Variants in CFAP161 observed in about 807,000 individuals in gnomAD.
CFAP161 encodes cilia and flagella associated protein 161.
In CFAP161, 25 loss-of-function variants were observed where a neutral mutation model predicts 29.0. The ratio of observed to expected loss-of-function variants is 0.86; its 90% CI spans 0.63 to 1.20. The LOEUF (loss-of-function observed/expected upper bound fraction) is 1.20, where lower values mean the gene tolerates loss of function less well. Ranked by LOEUF, CFAP161 falls within the 50% of genes most tolerant of loss-of-function variation. The pLI is 0.00. For synonymous variants in CFAP161, 116 were observed against 137.4 expected, an observed-to-expected ratio of 0.84 and a Z score of 1.09; for missense variants, 367 against 371.9, an observed-to-expected ratio of 0.99 and a Z score of 0.11.
At chr15:81,112,727 G>C (rs1227906123) in intron 1 of CFAP161, among the ~76,000 whole-genome samples, 1 of 152,088 alleles carries the variant, frequency 6.6e-6, no homozygotes, top group Non-Finnish European at 1.5e-5. Flanking sequence ...AATAACTAGA[G>C]GACCACTGCT....
chr15:81,100,549 C>G (rs1406438976), intron 1 of CFAP161, among the ~76,000 whole-genome samples: 1 of 152,070 alleles, frequency 6.6e-6, no homozygotes, highest in African/African-American at 2.4e-5. Context: ...ATTTTTCTTC[C>G]ATTGCCTACA....
intron 1 of CFAP161, among the ~76,000 whole-genome samples, chr15:81,104,784 G>A (rs1567149722): frequency 6.6e-6 from 1 of 152,060 alleles, no homozygotes. Context: ...CTATACATGG[G>A]TATAAAATTT....
intron 1 of CFAP161, among the ~76,000 whole-genome samples, chr15:81,117,192 A>G (rs1322057968): frequency 1.3e-5 from 2 of 150,712 alleles, no homozygotes; most frequent in African/African-American, 2.4e-5. Context: ...CAATGTTTCC[A>G]ATTGTATCAT....
intron 1 of CFAP161, among the ~76,000 whole-genome samples, chr15:81,116,045 A>G (rs1039651494): frequency 6.6e-6 from 1 of 152,168 alleles, no homozygotes; most frequent in Non-Finnish European, 1.5e-5. Flanking sequence ...TGTTGTAAAC[A>G]TAAGTCTGAA....
intron 1 of CFAP161, among the ~76,000 whole-genome samples, chr15:81,110,100 A>G (rs1894422246): frequency 6.6e-6 from 1 of 151,986 alleles, no homozygotes; most frequent in Non-Finnish European, 1.5e-5. Context: ...TCCTGTTCAG[A>G]CATTCAGTAC....
intron 1 of CFAP161, among the ~76,000 whole-genome samples, chr15:81,109,766 T>C (rs995062504): frequency 3.3e-5 from 5 of 152,350 alleles, no homozygotes; most frequent in Non-Finnish European, 7.3e-5. Context: ...TTTCTACTGT[T>C]AATGTCAATT....
intron 1 of CFAP161, among the ~76,000 whole-genome samples, chr15:81,103,853 C>T (rs560678688): frequency 5.3e-5 from 8 of 152,108 alleles, no homozygotes; most frequent in South Asian, 2.1e-4. Context: ...ACACTATCTC[C>T]GGATAAATAG....
At chr15:81,119,315 C>T (rs1335230572) in intron 1 of CFAP161, among the ~76,000 whole-genome samples, 3 of 151,970 alleles carry the variant, frequency 2.0e-5, no homozygotes, top group African/African-American at 4.8e-5. Context: ...AGATAACAAC[C>T]AGAATCATGA....
chr15:81,112,672 A>G (rs916849598), intron 1 of CFAP161, among the ~76,000 whole-genome samples: 5 of 152,156 alleles, frequency 3.3e-5, no homozygotes, highest in African/African-American at 9.7e-5. Context: ...TTTTGGGGTT[A>G]TAGGTTTACA....
chr15:81,143,546 CAG>C (rs771525134), intron 4 of CFAP161, 114 bp from the exon 5 acceptor site: 49 of 1,176,918 alleles, frequency 4.2e-5, no homozygotes, highest in Non-Finnish European at 5.8e-5. Flanking sequence ...TCAGTAAGAA[CAG>C]AGTTTTTGAG....
At chr15:81,133,210 TATATATATATATATGTA>T (rs1248279121), upstream of CFAP161, among the ~76,000 whole-genome samples, 3,237 of 54,388 alleles carry the variant, frequency 0.06, 199 homozygotes, top group Non-Finnish European at 0.071. Context: ...TATATATATA[TATATATATATATATGTA>T]TTTTTTTTTA....
chr15:81,148,644 C>A lies in CFAP161; in HGVS notation c.*111C>A. Reference sequence around the variant, plus strand: ...AGCTATTTTTGAATCAGATGTGGGACTCTCTGGGCACTATATTAAAATAAA... The same window carrying A: ...AGCTATTTTTGAATCAGATGTGGGAATCTCTGGGCACTATATTAAAATAAA... On this transcript the variant is annotated 3_prime_UTR_variant, in exon 7 of 7. Transcript: ENST00000286732. 2.1e-6 allele frequency: 2 copies of A among 963,330 alleles called. No individual in the cohort carries two copies. The highest frequency in any genetic ancestry group is 2.1e-5 in the South Asian group (1 of 47,906). The allele number at this position is 963,330 out of a possible 1,614,324, so 59.7% of individuals were successfully genotyped here.
chr15:81,148,512 C>T lies in CFAP161; in HGVS notation c.885C>T (p.Ala295=). The change falls in exon 7 of 7, where the codon GCC becomes GCT. Residue 295 remains alanine (A), a synonymous_variant. Transcript: ENST00000286732. Reference sequence around the variant, plus strand: ...AGGACACTCGAGCCATGGAGCAGGCCATGGGCCTTGACACGCAGTAACACG... The same window carrying T: ...AGGACACTCGAGCCATGGAGCAGGCTATGGGCCTTGACACGCAGTAACACG... ...PTEDTRAMEQ[A]MGLDTQ The T allele has an allele frequency of 6.2e-7, 1 of 1,613,796 alleles. No homozygotes were observed. Among genetic ancestry groups the T allele is most frequent in the Non-Finnish European group, 8.5e-7 (1 of 1,179,694 alleles).
chr15:81,142,102 A>T (rs1333846103), intron 4 of CFAP161, among the ~76,000 whole-genome samples: 2 of 151,900 alleles, frequency 1.3e-5, no homozygotes, highest in Non-Finnish European at 2.9e-5. Flanking sequence ...GCTGATTACC[A>T]GGTCTCTTCC....
chr15:81,101,581 A>G (rs1894304993), intron 1 of CFAP161, among the ~76,000 whole-genome samples: 1 of 139,012 alleles, frequency 7.2e-6, no homozygotes, highest in African/African-American at 2.7e-5. Context: ...GTGATTCGTG[A>G]GTGATCTGAG....
chr15:81,120,537 G>A (rs1894558480), intron 1 of CFAP161, among the ~76,000 whole-genome samples: 1 of 152,130 alleles, frequency 6.6e-6, no homozygotes, highest in African/African-American at 2.4e-5. Context: ...GAACACTGAG[G>A]TCGGAGGATC....
upstream of CFAP161, among the ~76,000 whole-genome samples, chr15:81,133,541 T>G (rs565305663): frequency 6.6e-6 from 1 of 152,254 alleles, no homozygotes; most frequent in African/African-American, 2.4e-5. Flanking sequence ...GCATCAAGCC[T>G]CCGGTAGTCC....
chr15:81,139,050 T>C (rs150693219), intron 4 of CFAP161, among the ~76,000 whole-genome samples: 43 of 152,246 alleles, frequency 2.8e-4, no homozygotes, highest in African/African-American at 1.0e-3. Context: ...GCCTGTAATC[T>C]CAGCACTTTG....
chr15:81,121,889 C>T (rs1468714867), intron 1 of CFAP161, among the ~76,000 whole-genome samples: 1 of 152,134 alleles, frequency 6.6e-6, no homozygotes, highest in African/African-American at 2.4e-5. Flanking sequence ...CTGAAAGGCC[C>T]CACTGTGTAT....
Sources: gnomAD v4.1 joint callset for allele counts (sites outside exome capture counted in the v4.1 genomes callset) on GRCh38, gnomAD v4.1.1 for gene constraint, MANE v1.5 for transcripts, NCBI Gene and HGNC (gene_info 2026-07-23, HGNC 2026-07-21) for gene names.